Variants in NFILZ observed in about 807,000 individuals in gnomAD.
NFILZ encodes the protein NFIL3 like basic leucine zipper, also known as NFIL3 like protein.
At position 8,673,108 on chromosome 19, in the gene NFILZ, G is replaced by A. The variant is rs1342278597; in HGVS notation, c.-163-1443G>A. Among the ~76,000 whole-genome samples the A allele has an allele frequency of 3.3e-5, 5 of 151,938 alleles. No homozygotes were observed. The South Asian group carries it at 6.2e-4, about 19-fold the overall frequency. On this transcript the variant is annotated intron_variant, in intron 3 of 5. Coordinates refer to ENST00000691075, the MANE Select transcript of NFILZ (RefSeq NM_001378600.1). Reference sequence around the variant, plus strand: ...TGGCATGAATGGGGCCAGGGGAGAAGGATTTGAGGGGTGTCAGTGGCAGCT... The same window carrying A: ...TGGCATGAATGGGGCCAGGGGAGAAAGATTTGAGGGGTGTCAGTGGCAGCT...
chr19:8,639,784 A>T (rs1348258789), intron 3 of NFILZ, among the ~76,000 whole-genome samples: 1 of 152,066 alleles, frequency 6.6e-6, no homozygotes, highest in African/African-American at 2.4e-5. Flanking sequence ...CACATGGGGT[A>T]AGGATTAGTT....
intron 3 of NFILZ, among the ~76,000 whole-genome samples, chr19:8,666,888 C>G (rs2043064383): frequency 6.6e-6 from 1 of 151,442 alleles, no homozygotes; most frequent in South Asian, 2.1e-4. Flanking sequence ...GTGCACACCA[C>G]CATGCCCGGC....
chr19:8,641,216 A>G (rs1210623325), intron 3 of NFILZ, among the ~76,000 whole-genome samples: 1 of 150,994 alleles, frequency 6.6e-6, no homozygotes, highest in Non-Finnish European at 1.5e-5. Context: ...CACCTGACTA[A>G]TGTTTGTTTT....
chr19:8,656,259 A>ACC (rs2042993116), intron 3 of NFILZ, among the ~76,000 whole-genome samples: 2 of 120,884 alleles, frequency 1.7e-5, no homozygotes, highest in African/African-American at 3.2e-5. Flanking sequence ...CACGCAGCCC[A>ACC]TCTTCTCTCT....
At chr19:8,632,883 C>T (rs1555745702) in intron 2 of NFILZ, among the ~76,000 whole-genome samples, 1 of 151,876 alleles carries the variant, frequency 6.6e-6, no homozygotes, top group Non-Finnish European at 1.5e-5. Context: ...CCACCATGCC[C>T]AGCTAATTTT....
At chr19:8,669,589 C>A (rs943364527) in intron 3 of NFILZ, among the ~76,000 whole-genome samples, 12 of 152,180 alleles carry the variant, frequency 7.9e-5, no homozygotes, top group Non-Finnish European at 5.9e-5. Flanking sequence ...GGAAACCAAC[C>A]TCTACCCTTC....
chr19:8,637,520 G>A (rs1450177607), intron 3 of NFILZ, among the ~76,000 whole-genome samples: 1 of 151,620 alleles, frequency 6.6e-6, no homozygotes, highest in East Asian at 1.9e-4. Flanking sequence ...GGCTGAGGCA[G>A]GAGAATAGCT....
At position 8,678,112 on chromosome 19, in the gene NFILZ, T is replaced by G. The variant is rs1600158131; in HGVS notation, c.*477T>G. ...TCCATTCCATCCATCCATCCATCCA[T>G]CCATCCATCCATCCCTCCATCCATT... On this transcript the variant is annotated 3_prime_UTR_variant, in exon 6 of 6. Transcript: ENST00000691075. Among the ~76,000 whole-genome samples, 1 of 149,596 alleles carries G rather than the reference T, an allele frequency of 6.7e-6. No individual in the cohort carries two copies. Among genetic ancestry groups the G allele is most frequent in the Non-Finnish European group, 1.5e-5 (1 of 67,286 alleles).
At chr19:8,651,497 G>A (rs1171748190) in intron 3 of NFILZ, among the ~76,000 whole-genome samples, 1 of 151,022 alleles carries the variant, frequency 6.6e-6, no homozygotes, top group Non-Finnish European at 1.5e-5. Context: ...GTGCCCTATT[G>A]TGCTACGGAA....
chr19:8,656,279 CT>C (rs1555748359), intron 3 of NFILZ, among the ~76,000 whole-genome samples: 3 of 107,952 alleles, frequency 2.8e-5, no homozygotes, highest in Middle Eastern at 4.7e-3. Context: ...TGAAGCCCAC[CT>C]TCTCCCCACA....
intron 3 of NFILZ, among the ~76,000 whole-genome samples, chr19:8,666,368 G>T (rs1049827773): frequency 6.6e-6 from 1 of 151,666 alleles, no homozygotes; most frequent in African/African-American, 2.4e-5. Flanking sequence ...TAGAGACAAG[G>T]TCTCACTATG....
At chr19:8,639,751 A>G (rs1213268555) in intron 3 of NFILZ, among the ~76,000 whole-genome samples, 2 of 152,144 alleles carry the variant, frequency 1.3e-5, no homozygotes, top group Admixed American at 1.3e-4. Flanking sequence ...GTAAAGTGAT[A>G]GGCCAGTGTC....
chr19:8,677,278 C>G lies in NFILZ; in HGVS notation c.513C>G (p.Pro171=), dbSNP rs529696760. Residue 171 remains proline (P), a synonymous_variant, in exon 6 of 6, where the codon CCC becomes CCG. Transcript: ENST00000691075. ...GCTTGGCCACTTCTCCTAGGTCCCC[C>G]CAAGAGTCTGCATCTCCTACCCTCA... ...WTGLATSPRS[P]QESASPTLNR... is the part of the protein sequence containing the mutation. 1.4e-3 allele frequency among the ~76,000 whole-genome samples: 218 copies of G among 152,360 alleles called. No homozygotes were observed. The highest frequency in any genetic ancestry group is 1.8e-3 in the Non-Finnish European group (120 of 68,028).
rs2043121364 is a variant in NFILZ, at chr19:8,678,059, T to TTCATCCA, written c.*424_*425insTCATCCA. On this transcript the variant is annotated 3_prime_UTR_variant, in exon 6 of 6. Transcript: ENST00000691075. ...ATCCATCCATCCATCCATCCACCCA[T>TTCATCCA]CTATTCATCCATCCATCAATCCATC... 5.2e-5 allele frequency among the ~76,000 whole-genome samples: 1 copy of TTCATCCA among 19,262 alleles called. No homozygotes were observed. Among genetic ancestry groups the TTCATCCA allele is most frequent in the Admixed American group, 5.1e-4 (1 of 1,948 alleles). The allele number at this position is 19,262 out of a possible 152,430, so 12.6% of individuals were successfully genotyped here.
Position 8,645,224 on chromosome 19 carries a change from C to T in NFILZ, c.-164+9478C>T, listed in dbSNP as rs1034208730. 2.0e-5 allele frequency among the ~76,000 whole-genome samples: 3 copies of T among 152,058 alleles called. No individual in the cohort carries two copies. In the East Asian group the frequency reaches 5.8e-4, roughly 29 times the overall value. Reference sequence around the variant, plus strand: ...TCATAGCTCACTGCAGCCTCAAACTCCTGGGCTCAAGTGATCCTCCCACCT... The same window carrying T: ...TCATAGCTCACTGCAGCCTCAAACTTCTGGGCTCAAGTGATCCTCCCACCT... On this transcript the variant is annotated intron_variant, in intron 3 of 5. Transcript: ENST00000691075.
At chr19:8,663,162 T>C (rs2043039841) in intron 3 of NFILZ, among the ~76,000 whole-genome samples, 2 of 151,794 alleles carry the variant, frequency 1.3e-5, no homozygotes, top group African/African-American at 4.8e-5. Context: ...TCTTGCTATG[T>C]TGCTCAGGCT....
intron 3 of NFILZ, among the ~76,000 whole-genome samples, chr19:8,637,912 C>CAAAAAA (rs35778716): frequency 0.032 from 652 of 20,222 alleles, 136 homozygotes; most frequent in African/African-American, 0.086. Flanking sequence ...AAGATGGTCT[C>CAAAAAA]AAAAAAAAAA....
rs1189347456 is a variant in NFILZ, at chr19:8,680,464, T to C, written c.*2829T>C. 6.6e-6 allele frequency among the ~76,000 whole-genome samples: 1 copy of C among 152,140 alleles called. No individual in the cohort carries two copies. The highest frequency in any genetic ancestry group is 2.4e-5 in the African/African-American group (1 of 41,420). ...GAGTTGGCAGTCTTTTCTTTTGTGG[T>C]TTGTACATTTTTGTCATGTTTAAGA... On this transcript the variant is annotated 3_prime_UTR_variant, in exon 6 of 6. Coordinates refer to ENST00000691075, the MANE Select transcript of NFILZ (RefSeq NM_001378600.1).
intron 3 of NFILZ, among the ~76,000 whole-genome samples, chr19:8,672,579 T>G (rs1451994250): frequency 7.5e-6 from 1 of 132,804 alleles, no homozygotes; most frequent in African/African-American, 3.0e-5. Context: ...CCAAAAAATA[T>G]TCATGCATTT....
Sources: allele counts gnomAD v4.1 joint callset (sites outside exome capture counted in the v4.1 genomes callset), GRCh38; gene constraint gnomAD v4.1.1; transcripts MANE v1.5; gene names NCBI Gene and HGNC (gene_info 2026-07-23, HGNC 2026-07-21).